Variants in PCSK2 observed in about 807,000 individuals in gnomAD.
PCSK2 encodes proprotein convertase subtilisin/kexin type 2.
A neutral mutation model predicts 69.7 loss-of-function variants in PCSK2; 14 were observed. The observed-to-expected ratio is 0.20, with a 90% CI of 0.13 to 0.31. PCSK2 has a LOEUF of 0.31. PCSK2 is among the 10% of genes least tolerant of loss of function. PCSK2 has a pLI of 1.00. For missense variants in PCSK2, 544 were observed against 842.5 expected, an observed-to-expected ratio of 0.65 and a Z score of 4.39; for synonymous variants, 307 against 320.7, an observed-to-expected ratio of 0.96 and a Z score of 0.46.
At position 17,235,263 on chromosome 20, in the gene PCSK2, T is replaced by G. The variant is rs80302485; in HGVS notation, c.177+7781T>G. The stretch of plus-strand genomic sequence containing the variant: ...AGTAGAACAATGACACACTCTTAAT[T>G]TCCTGACATAAAGTAGACTTCAGAC... On this transcript the variant is annotated intron_variant, in intron 1 of 11. Coordinates refer to ENST00000262545, the MANE Select transcript of PCSK2 (RefSeq NM_002594.5). 1.6e-3 allele frequency among the ~76,000 whole-genome samples: 237 copies of G among 152,254 alleles called. 1 individual carries two copies. Among genetic ancestry groups the G allele is most frequent in the Non-Finnish European group, 2.5e-3 (170 of 67,982 alleles).
chr20:17,300,708 AGTT>A, intron 2 of PCSK2, among the ~76,000 whole-genome samples: 1 of 152,172 alleles, frequency 6.6e-6, no homozygotes, highest in East Asian at 1.9e-4. Context: ...CATATTTTTT[AGTT>A]AATAAAAATA....
At chr20:17,373,941 G>T (rs936054471) in intron 5 of PCSK2, among the ~76,000 whole-genome samples, 1 of 152,144 alleles carries the variant, frequency 6.6e-6, no homozygotes, top group African/African-American at 2.4e-5. Context: ...GAATTTCATC[G>T]GAGGGATCCA....
chr20:17,465,282 T>C (rs1339417613), intron 10 of PCSK2, 44 bp from the exon 11 acceptor site: 2 of 1,349,880 alleles, frequency 1.5e-6, no homozygotes, highest in Non-Finnish European at 1.1e-6. Flanking sequence ...TCTCTCACCC[T>C]GCCTTTTGCC....
chr20:17,307,560 C>T (rs539813507), intron 2 of PCSK2, among the ~76,000 whole-genome samples: 15 of 152,272 alleles, frequency 9.9e-5, no homozygotes, highest in African/African-American at 3.1e-4. Flanking sequence ...TTCAACTATC[C>T]GCGTTTTTAC....
chr20:17,465,265 C>T, intron 10 of PCSK2, 61 bp from the exon 11 acceptor site: 1 of 1,110,816 alleles, frequency 9.0e-7, no homozygotes. Flanking sequence ...CATTGTGCCT[C>T]TCTCCCTCTC....
intron 1 of PCSK2, among the ~76,000 whole-genome samples, chr20:17,247,598 C>G (rs778280584): frequency 6.6e-6 from 1 of 152,148 alleles, no homozygotes; most frequent in Non-Finnish European, 1.5e-5. Context: ...GAGTCTGATC[C>G]GGGAAGCCTT....
At chr20:17,454,448 A>G (rs1295222139) in intron 9 of PCSK2, among the ~76,000 whole-genome samples, 1 of 152,208 alleles carries the variant, frequency 6.6e-6, no homozygotes, top group Admixed American at 6.5e-5. Flanking sequence ...TCAGGGAAAG[A>G]GTTGTGATTT....
intron 1 of PCSK2, among the ~76,000 whole-genome samples, chr20:17,245,370 C>T (rs1986731230): frequency 1.3e-5 from 2 of 152,194 alleles, no homozygotes. Flanking sequence ...TTTATACGAC[C>T]TTGCCAAATG....
At chr20:17,318,347 T>C (rs1409285317) in intron 2 of PCSK2, among the ~76,000 whole-genome samples, 2 of 152,194 alleles carry the variant, frequency 1.3e-5, no homozygotes, top group Non-Finnish European at 2.9e-5. Context: ...CGGCTCCTGA[T>C]GAATGGACAT....
At chr20:17,406,204 C>G (rs1158128697) in intron 5 of PCSK2, among the ~76,000 whole-genome samples, 1 of 152,168 alleles carries the variant, frequency 6.6e-6, no homozygotes, top group African/African-American at 2.4e-5. Flanking sequence ...ACACAAATAA[C>G]TTTATGGGAG....
chr20:17,349,285 A>G (rs1424194378), intron 2 of PCSK2, among the ~76,000 whole-genome samples: 1 of 152,166 alleles, frequency 6.6e-6, no homozygotes, highest in East Asian at 1.9e-4. Flanking sequence ...CTCCTTCACA[A>G]TATTACACAG....
intron 5 of PCSK2, among the ~76,000 whole-genome samples, chr20:17,401,661 C>A (rs1024209611): frequency 2.6e-5 from 4 of 152,224 alleles, no homozygotes; most frequent in Admixed American, 2.6e-4. Flanking sequence ...CATCAAATAA[C>A]AAAATCTAGT....
chr20:17,401,179 C>T (rs2031628179), intron 5 of PCSK2, among the ~76,000 whole-genome samples: 1 of 152,190 alleles, frequency 6.6e-6, no homozygotes, highest in African/African-American at 2.4e-5. Flanking sequence ...ATTTTAAATA[C>T]ATTAACAAGA....
chr20:17,466,450 A>G (rs1425150170), intron 11 of PCSK2, among the ~76,000 whole-genome samples: 1 of 152,106 alleles, frequency 6.6e-6, no homozygotes, highest in Admixed American at 6.5e-5. Flanking sequence ...CAATCTAAGG[A>G]CTTGATTTTC....
rs1483407967 is a variant in PCSK2 at position 17,285,949 on chromosome 20, G to A, written c.282+25605G>A. Among the ~76,000 whole-genome samples, 5 of 152,184 alleles carry A rather than the reference G, an allele frequency of 3.3e-5. No individual in the cohort carries two copies. In the East Asian group the frequency reaches 5.8e-4, roughly 18 times the overall value. On this transcript the variant is annotated intron_variant, in intron 2 of 11. Coordinates refer to ENST00000262545, the MANE Select transcript of PCSK2 (RefSeq NM_002594.5). ...ACCAGAGCTGCTGAGATGATCCCATGTAACCCTAACTACAGAGTTACCTTT... is the reference window on the plus strand; with the variant it reads ...ACCAGAGCTGCTGAGATGATCCCATATAACCCTAACTACAGAGTTACCTTT...
At chr20:17,266,783 G>A (rs749874209) in intron 2 of PCSK2, among the ~76,000 whole-genome samples, 39 of 152,118 alleles carry the variant, frequency 2.6e-4, no homozygotes, top group Non-Finnish European at 4.0e-4. Context: ...CAAAGGAACC[G>A]GACCTTTGTG....
At chr20:17,388,805 C>T (rs1275002148) in intron 5 of PCSK2, among the ~76,000 whole-genome samples, 1 of 152,018 alleles carries the variant, frequency 6.6e-6, no homozygotes, top group Non-Finnish European at 1.5e-5. Context: ...TAATTGGATG[C>T]TCGGATTTTT....
Position 17,453,641 on chromosome 20 carries a change from G to C in PCSK2, c.886-101G>C, listed in dbSNP as rs6080699. ...TTTAAAAAGTGCACCCAGTCTTTAG[G>C]TTCAACTGCTGAAGAAGCCCAACCC... is the stretch of plus-strand genomic sequence containing the variant. On this transcript the variant is annotated intron_variant, in intron 8 of 11. Transcript: ENST00000262545. This position sits in a 1 kb window ranked among gnomAD's most constrained non-coding sequence, Gnocchi z 4.0. 0.34 allele frequency: 435,335 copies of C among 1,286,676 alleles called. 78,789 individuals carry two copies. Among genetic ancestry groups the C allele is most frequent in the South Asian group, 0.48 (37,420 of 77,240 alleles). The allele number at this position is 1,286,676 out of a possible 1,614,324, so 79.7% of individuals were successfully genotyped here.
At chr20:17,358,931 A>G (rs551526883) in intron 3 of PCSK2, among the ~76,000 whole-genome samples, 99 of 152,348 alleles carry the variant, frequency 6.5e-4, no homozygotes, top group African/African-American at 2.3e-3. Flanking sequence ...CAATGGCAGG[A>G]AATCAATTCC....
Sources: allele counts gnomAD v4.1 joint callset (sites outside exome capture counted in the v4.1 genomes callset), GRCh38; gene constraint gnomAD v4.1.1; non-coding constraint Gnocchi (gnomAD v3.1); transcripts MANE v1.5; gene names NCBI Gene and HGNC (gene_info 2026-07-23, HGNC 2026-07-21).